NHSL2: variants seen among roughly 807,000 people sequenced by gnomAD.
The protein encoded by NHSL2 is NHS like 2.
Under a neutral mutation model 53.4 loss-of-function variants are expected in NHSL2, and 27 were observed. The ratio of observed to expected loss-of-function variants is 0.51; its 90% CI spans 0.37 to 0.70. The LOEUF (loss-of-function observed/expected upper bound fraction) is 0.70. Among genes scored for constraint, NHSL2 ranks in the 30% least tolerant of loss-of-function variants. The probability of loss-of-function intolerance (pLI) is 0.00; values close to 1 mark genes in which losing one functional copy is unlikely to be tolerated. For missense variants in NHSL2, 892 were observed against 980.1 expected (o/e 0.91, Z 1.20); for synonymous variants, 408 against 404.1 (o/e 1.01, Z -0.12).
intron 1 of NHSL2, among the ~76,000 whole-genome samples, chrX:71,925,354 T>G (rs2041679345): frequency 9.0e-6 from 1 of 111,083 alleles, no homozygotes; most frequent in African/African-American, 3.3e-5. Context: ...TGCCCTGGTA[T>G]GCAGTAAGTG....
In NHSL2 at chrX:72,140,687, G is replaced by A. The variant is rs1350303085; in HGVS notation, c.3139G>A (p.Ala1047Thr). 6 of 1,209,631 alleles carry A rather than the reference G, an allele frequency of 5.0e-6. No homozygotes were observed. The highest frequency in any genetic ancestry group is 2.2e-5 in the Admixed American group (1 of 45,972). ...ITLEEDTKCP[A>T]TGDDLQSLGQ... The stretch of plus-strand genomic sequence containing the variant: ...CCTGGAGGAAGACACCAAGTGTCCC[G>A]CCACCGGCGATGACCTGCAATCACT... Residue 1047 changes from alanine to threonine, a missense_variant, in exon 6 of 8, where the codon GCC becomes ACC. By Grantham distance (58) the Ala-to-Thr change is moderately conservative (BLOSUM62 0). Coordinates refer to ENST00000633930, the MANE Select transcript of NHSL2 (RefSeq NM_001013627.3).
intron 1 of NHSL2, among the ~76,000 whole-genome samples, chrX:71,980,551 TGTGTGTGGG>T (rs1175111862): frequency 0.36 from 1,922 of 5,303 alleles, 57 homozygotes; most frequent in African/African-American, 0.42. Context: ...TGTGTGTGTG[TGTGTGTGGG>T]GTGTGTGGGG....
intron 1 of NHSL2, among the ~76,000 whole-genome samples, chrX:72,058,465 G>A (rs1464562079): frequency 9.0e-6 from 1 of 111,326 alleles, no homozygotes; most frequent in Non-Finnish European, 1.9e-5. Flanking sequence ...CTGCCTCAGC[G>A]TCCCGAGTAG....
At chrX:72,068,143 A>ACACCCT (rs779349054) in intron 1 of NHSL2, among the ~76,000 whole-genome samples, 1 of 111,632 alleles carries the variant, frequency 9.0e-6, no homozygotes, top group Admixed American at 9.4e-5. Flanking sequence ...CATGTCATTC[A>ACACCCT]CACCCTCCTA....
Position 72,150,976 on chromosome X carries a change from TGTTTGTTCATTC to T in NHSL2, c.*7410_*7421del, listed in dbSNP as rs2042507921. The T allele has an allele frequency of 9.0e-6, 1 of 111,554 alleles. No individual in the cohort carries two copies. Among genetic ancestry groups the T allele is most frequent in the Non-Finnish European group, 1.9e-5 (1 of 53,211 alleles). The allele number at this position is 111,554 out of a possible 1,213,427, so 9.2% of individuals were successfully genotyped here. On this transcript the variant is annotated 3_prime_UTR_variant, in exon 8 of 8. Transcript: ENST00000633930. ...GTAGCACATTCTTCTTTGTTGTTGC[TGTTTGTTCATTC>T]GTTTGTTTTGCAACCTTTGGATAAT...
chrX:71,940,502 G>A (rs1294276982), intron 1 of NHSL2, among the ~76,000 whole-genome samples: 1 of 111,590 alleles, frequency 9.0e-6, no homozygotes, highest in African/African-American at 3.3e-5. Flanking sequence ...CAGTAGAGAG[G>A]GAAAGATGGG....
At chrX:72,005,577 G>GCC (rs1274597985) in intron 1 of NHSL2, among the ~76,000 whole-genome samples, 2 of 112,035 alleles carry the variant, frequency 1.8e-5, no homozygotes, top group Admixed American at 1.9e-4. Context: ...GGAGAGTGCA[G>GCC]CCCTGGTTGA....
chrX:72,114,777 C>T (rs958499983), intron 1 of NHSL2, among the ~76,000 whole-genome samples: 1 of 112,270 alleles, frequency 8.9e-6, no homozygotes, highest in Non-Finnish European at 1.9e-5. Flanking sequence ...TGAGGTGGAA[C>T]CTTGGCGGCA....
intron 1 of NHSL2, among the ~76,000 whole-genome samples, chrX:71,939,104 A>G (rs1031723339): frequency 8.9e-6 from 1 of 112,103 alleles, no homozygotes; most frequent in Non-Finnish European, 1.9e-5. Flanking sequence ...CTCCTAGAGG[A>G]ATAGTCCTTC....
rs1027859191 is a variant in NHSL2, at chrX:72,139,513, C to T, written c.1965C>T (p.Ser655=). 1.7e-6 allele frequency: 2 copies of T among 1,211,438 alleles called. No homozygotes were observed. The highest frequency in any genetic ancestry group is 2.2e-6 in the Non-Finnish European group (2 of 895,103). The stretch of plus-strand genomic sequence containing the variant: ...ACACCTACCAATCCCTGTCCAGCTC[C>T]AGCACTGCCACTGGCACCACAGTCA... ...SGDTYQSLSS[S]STATGTTVIE... The change falls in exon 6 of 8, where the codon TCC becomes TCT. Residue 655 remains serine (S), a synonymous_variant. Coordinates refer to ENST00000633930, the MANE Select transcript of NHSL2 (RefSeq NM_001013627.3).
intron 1 of NHSL2, among the ~76,000 whole-genome samples, chrX:72,050,813 C>T (rs769215667): frequency 5.5e-5 from 6 of 108,954 alleles, no homozygotes; most frequent in Non-Finnish European, 1.1e-4. Context: ...TGCTTGAACC[C>T]GGGAGGCAGA....
rs1323070321 is a variant in NHSL2, at chrX:72,139,851, G to C, written c.2303G>C (p.Arg768Pro). 8.3e-7 allele frequency: 1 copy of C among 1,208,396 alleles called. No individual in the cohort carries two copies. The highest frequency in any genetic ancestry group is 2.2e-5 in the Admixed American group (1 of 45,722). ...CCAATGGAGAAATTTCCCAAGTCAC[G>C]GCTATCATTTGACCTACCACTGACC... ...TSPMEKFPKS[R>P]LSFDLPLTSS... The change falls in exon 6 of 8, where the codon CGG becomes CCG. Residue 768 changes from arginine (R) to proline (P), a missense_variant. Transcript: ENST00000633930.
intron 1 of NHSL2, among the ~76,000 whole-genome samples, chrX:71,988,434 G>A (rs1427704821): frequency 9.0e-6 from 1 of 111,485 alleles, no homozygotes; most frequent in Non-Finnish European, 1.9e-5. Flanking sequence ...AGTCGAGAGG[G>A]ACTTTACTGA....
At chrX:72,056,281 G>A (rs1262982789) in intron 1 of NHSL2, among the ~76,000 whole-genome samples, 2 of 112,050 alleles carry the variant, frequency 1.8e-5, no homozygotes, top group Non-Finnish European at 3.8e-5. Flanking sequence ...GTACAAAGAT[G>A]TGCATCAAAA....
chrX:71,956,027 A>G (rs2147844758), intron 1 of NHSL2, among the ~76,000 whole-genome samples: 1 of 111,265 alleles, frequency 9.0e-6, no homozygotes, highest in Admixed American at 9.5e-5. Context: ...GACAGCTTCT[A>G]AGGAAGCTGC....
chrX:72,018,376 T>A (rs146372548), intron 1 of NHSL2, among the ~76,000 whole-genome samples: 2,747 of 111,840 alleles, frequency 0.025, 43 homozygotes, highest in Non-Finnish European at 0.038. Context: ...GTTAAGGTGG[T>A]GTGATAAAAA....
chrX:72,009,229 C>T (rs780595512), intron 1 of NHSL2, among the ~76,000 whole-genome samples: 8 of 112,857 alleles, frequency 7.1e-5, no homozygotes, highest in Non-Finnish European at 1.3e-4. Flanking sequence ...AACCACCTGA[C>T]GGGAGCTATG....
At chrX:72,053,327 C>T (rs1263121103) in intron 1 of NHSL2, among the ~76,000 whole-genome samples, 2 of 111,624 alleles carry the variant, frequency 1.8e-5, no homozygotes, top group African/African-American at 6.5e-5. Context: ...ATTCTCTCCA[C>T]CTCCAATCTT....
chrX:72,096,534 T>C (rs2041945104), intron 1 of NHSL2, among the ~76,000 whole-genome samples: 1 of 112,337 alleles, frequency 8.9e-6, no homozygotes, highest in East Asian at 2.8e-4. Context: ...TAGGATAATA[T>C]ATGGCATTCT....
Sources: gnomAD v4.1 joint callset for allele counts (sites outside exome capture counted in the v4.1 genomes callset) on GRCh38, gnomAD v4.1.1 for gene constraint, MANE v1.5 for transcripts, NCBI Gene and HGNC (gene_info 2026-07-23, HGNC 2026-07-21) for gene names.